Variants in ZMYM2 observed in about 807,000 individuals in gnomAD.
ZMYM2 encodes the protein zinc finger MYM-type protein 2.
A neutral mutation model predicts 162.8 loss-of-function variants in ZMYM2; 56 were observed. That is an observed-to-expected ratio of 0.34 (90% CI 0.28 to 0.43). The LOEUF is 0.43. ZMYM2 is among the 20% of genes least tolerant of loss of function. The probability of loss-of-function intolerance (pLI) is 1.00; values close to 1 mark genes in which losing one functional copy is unlikely to be tolerated. For synonymous variants in ZMYM2, 510 were observed against 541.6 expected (o/e 0.94, Z 0.81); for missense variants, 1,275 against 1,621.8 (o/e 0.79, Z 3.67).
intron 14 of ZMYM2, among the ~76,000 whole-genome samples, chr13:20,052,672 A>G (rs189910436): frequency 3.6e-3 from 542 of 152,306 alleles, no homozygotes; most frequent in Admixed American, 8.2e-3. Context: ...TATGTTTGAA[A>G]TGACTGTATT....
chr13:19,908,455 G>A, the ZMYM2 span, among the ~76,000 whole-genome samples: 1 of 152,126 alleles, frequency 6.6e-6, no homozygotes, highest in African/African-American at 2.4e-5. Flanking sequence ...TTGCTTGGAT[G>A]GTGGTATTTT....
intron 21 of ZMYM2, among the ~76,000 whole-genome samples, chr13:20,078,295 T>C (rs1344015766): frequency 6.8e-6 from 1 of 148,146 alleles, no homozygotes; most frequent in Admixed American, 6.9e-5. Context: ...CATATAACGT[T>C]TAATAAAACA....
the ZMYM2 span, among the ~76,000 whole-genome samples, chr13:19,884,983 T>G: frequency 0.031 from 4,742 of 152,160 alleles, 116 homozygotes; most frequent in Middle Eastern, 0.058. Context: ...TTTTACAGAG[T>G]GCTGATTGGT....
chr13:20,058,426 T>A, intron 14 of ZMYM2, 149 bp from the exon 15 acceptor site: 1 of 853,442 alleles, frequency 1.2e-6, no homozygotes, highest in Non-Finnish European at 1.7e-6. Context: ...AGATTAAGAG[T>A]ATGGTGAACA....
chr13:19,923,009 C>T, the ZMYM2 span, among the ~76,000 whole-genome samples: 6 of 130,626 alleles, frequency 4.6e-5, no homozygotes, highest in Non-Finnish European at 8.0e-5. Flanking sequence ...GCAACAAGAG[C>T]GAGACTCCAT....
chr13:20,019,291 A>G (rs959038640), intron 6 of ZMYM2, among the ~76,000 whole-genome samples: 1 of 152,196 alleles, frequency 6.6e-6, no homozygotes, highest in Non-Finnish European at 1.5e-5. Context: ...AGATCTAAGT[A>G]TCTATCTTTA....
At chr13:19,994,063 T>A (rs7332715) in intron 3 of ZMYM2, 144 bp downstream of exon 3, 982,149 of 986,170 alleles carry the variant, frequency 1, 489,163 homozygotes, top group East Asian at 1. Context: ...TTAAGTTTGG[T>A]ATTTTAATAA....
intron 12 of ZMYM2, among the ~76,000 whole-genome samples, chr13:20,043,817 G>A (rs1954509477): frequency 6.6e-6 from 1 of 152,086 alleles, no homozygotes; most frequent in Non-Finnish European, 1.5e-5. Context: ...AAAGGGATGT[G>A]GGAAGTATCC....
chr13:19,927,189 T>A, the ZMYM2 span, among the ~76,000 whole-genome samples: 1 of 152,038 alleles, frequency 6.6e-6, no homozygotes, highest in Non-Finnish European at 1.5e-5. Context: ...GTATTTGTTA[T>A]TAAAAAAATT....
intron 16 of ZMYM2, among the ~76,000 whole-genome samples, chr13:20,060,237 C>T (rs1326408143): frequency 6.6e-6 from 1 of 152,156 alleles, no homozygotes; most frequent in Non-Finnish European, 1.5e-5. Context: ...CTTTCTTCGA[C>T]AGTTAACTTA....
At chr13:19,951,044 G>T in the ZMYM2 span, among the ~76,000 whole-genome samples, 8 of 151,992 alleles carry the variant, frequency 5.3e-5, no homozygotes, top group African/African-American at 9.7e-5. Context: ...ATTTATTTTG[G>T]CTCGTCAGTT....
chr13:20,006,819 G>A (rs1377901493), intron 6 of ZMYM2, among the ~76,000 whole-genome samples: 4 of 152,138 alleles, frequency 2.6e-5, no homozygotes, highest in South Asian at 2.1e-4. Flanking sequence ...GGTCATTTCC[G>A]TGATATAATG....
intron 5 of ZMYM2, 139 bp from the exon 6 acceptor site, chr13:20,006,232 TAAA>T: frequency 3.0e-6 from 2 of 674,592 alleles, no homozygotes; most frequent in East Asian, 3.9e-5. Flanking sequence ...ACCCTGTCTT[TAAA>T]AAAAAAAAAA....
the ZMYM2 span, among the ~76,000 whole-genome samples, chr13:19,952,008 G>A: frequency 1.3e-5 from 2 of 152,038 alleles, no homozygotes; most frequent in African/African-American, 4.8e-5. Context: ...ACAGATGAAT[G>A]GATAAAGAAA....
chr13:20,026,398 G>C (rs2140251404), intron 7 of ZMYM2: 1 of 406,464 alleles, frequency 2.5e-6, no homozygotes, highest in East Asian at 3.9e-5. Context: ...TTCTGTTTTT[G>C]AAGGCGACTT....
At chr13:19,998,269 T>C (rs1950161205) in intron 3 of ZMYM2, among the ~76,000 whole-genome samples, 1 of 152,216 alleles carries the variant, frequency 6.6e-6, no homozygotes, top group African/African-American at 2.4e-5. Flanking sequence ...TTAGGCCTTT[T>C]CTATTCCTAA....
chr13:20,065,483 A>G (rs1413640698), intron 19 of ZMYM2, among the ~76,000 whole-genome samples: 1 of 152,180 alleles, frequency 6.6e-6, no homozygotes, highest in Non-Finnish European at 1.5e-5. Flanking sequence ...AAACTTTTGC[A>G]TTGCAAACAG....
chr13:20,008,010 G>A (rs191684294), intron 6 of ZMYM2, among the ~76,000 whole-genome samples: 1 of 152,290 alleles, frequency 6.6e-6, no homozygotes, highest in Admixed American at 6.5e-5. Context: ...GTCAGCTGCA[G>A]TTTCCAAATA....
intron 2 of ZMYM2, chr13:19,965,348 A>G (rs1460730019): frequency 2.4e-6 from 2 of 834,004 alleles, no homozygotes; most frequent in African/African-American, 3.6e-5. Flanking sequence ...CTCTTCTAAT[A>G]CTGGAACAGT....
Sources: gnomAD v4.1 joint callset for allele counts (sites outside exome capture counted in the v4.1 genomes callset) on GRCh38, gnomAD v4.1.1 for gene constraint, MANE v1.5 for transcripts, NCBI Gene and HGNC (gene_info 2026-07-23, HGNC 2026-07-21) for gene names.